The following RIPOR2 variants were observed in gnomAD, a reference collection of about 807,000 sequenced individuals.
RIPOR2 encodes the protein RHO family interacting cell polarization regulator 2, also known as rho family-interacting cell polarization regulator 2.
In RIPOR2, 39 loss-of-function variants were observed where a neutral mutation model predicts 114.5. The ratio of observed to expected loss-of-function variants is 0.34; its 90% CI spans 0.26 to 0.44. RIPOR2 has a LOEUF of 0.44. RIPOR2 is among the 20% of genes least tolerant of loss of function. The pLI is 1.00. For synonymous variants in RIPOR2, 445 were observed against 484.4 expected (o/e 0.92, Z 1.07); for missense variants, 1,007 against 1,255.1 (o/e 0.80, Z 2.99).
rs765393965 is a variant in RIPOR2, at chr6:24,872,878, T to C, written c.423+3A>G. 4 of 1,595,604 alleles carry C rather than the reference T, an allele frequency of 2.5e-6. No individual in the cohort carries two copies. Among genetic ancestry groups the C allele is most frequent in the Non-Finnish European group, 3.4e-6 (4 of 1,164,448 alleles). On this transcript the variant is annotated splice_donor_region_variant and intron_variant, in intron 4 of 21. Transcript: ENST00000643898. ...AACATCATAATGACTGCATAGTACC[T>C]ACCAGGCGAGAGTTTCTTTTCATAT... is the stretch of plus-strand genomic sequence containing the variant.
At chr6:24,957,656 G>A (rs1018619947) in intron 1 of RIPOR2, among the ~76,000 whole-genome samples, 1 of 152,250 alleles carries the variant, frequency 6.6e-6, no homozygotes, top group Admixed American at 6.5e-5. Flanking sequence ...GGTGGATCAC[G>A]AGGTCAGGAG....
chr6:24,852,507 A>G (rs1763062691), intron 9 of RIPOR2, 68 bp downstream of exon 9: 1 of 1,174,084 alleles, frequency 8.5e-7, no homozygotes, highest in South Asian at 1.3e-5. Context: ...AAGCAAAATA[A>G]TGACATGACA....
intron 1 of RIPOR2, among the ~76,000 whole-genome samples, chr6:24,919,720 A>T (rs1410004200): frequency 4.6e-5 from 7 of 152,216 alleles, no homozygotes; most frequent in African/African-American, 1.4e-4. Context: ...GAGCAAACGT[A>T]CACAGGCCTC....
intron 1 of RIPOR2, among the ~76,000 whole-genome samples, chr6:25,041,368 T>C (rs1170439031): frequency 6.6e-6 from 1 of 152,230 alleles, no homozygotes; most frequent in Non-Finnish European, 1.5e-5. Context: ...GTTGTGAGTT[T>C]GATAATTTAA....
At chr6:25,029,431 A>AAAAAAAAAAAAAAG (rs1554133317) in intron 1 of RIPOR2, among the ~76,000 whole-genome samples, 1 of 151,174 alleles carries the variant, frequency 6.6e-6, no homozygotes, top group African/African-American at 2.4e-5. Context: ...AAAAAAAAAA[A>AAAAAAAAAAAAAAG]AAGAAGAAGA....
In RIPOR2 at chr6:24,962,238, T is replaced by C. The variant is rs151279638; in HGVS notation, c.76+79613A>G. Among the ~76,000 whole-genome samples the C allele has an allele frequency of 2.0e-5, 3 of 152,376 alleles. No homozygotes were observed. The East Asian group carries it at 5.8e-4, about 29-fold the overall frequency. ...GAATATCTGGCAACTGAGATTCTTT[T>C]CGATTTACTGCTTTGCTGCTTGAAC... On this transcript the variant is annotated intron_variant, in intron 1 of 13. Transcript: ENST00000510784.
At chr6:24,826,647 C>T (rs1413096708) in intron 18 of RIPOR2, among the ~76,000 whole-genome samples, 1 of 152,006 alleles carries the variant, frequency 6.6e-6, no homozygotes, top group Non-Finnish European at 1.5e-5. Flanking sequence ...AGCCTAAATG[C>T]CCAACAATAT....
At chr6:24,997,890 G>A (rs951135237) in intron 1 of RIPOR2, among the ~76,000 whole-genome samples, 2 of 152,136 alleles carry the variant, frequency 1.3e-5, no homozygotes, top group African/African-American at 4.8e-5. Flanking sequence ...CCCCACTCCA[G>A]ACCTACTGAA....
intron 16 of RIPOR2, among the ~76,000 whole-genome samples, chr6:24,830,900 G>C (rs1331645888): frequency 1.3e-5 from 2 of 152,002 alleles, no homozygotes; most frequent in African/African-American, 4.8e-5. Flanking sequence ...ATTTTTAGTA[G>C]AGATGAGGTA....
At chr6:24,926,801 C>T (rs552817039) in intron 1 of RIPOR2, among the ~76,000 whole-genome samples, 7 of 152,130 alleles carry the variant, frequency 4.6e-5, no homozygotes, top group South Asian at 4.1e-4. Context: ...TCCCTTTAAA[C>T]GCAGCAGTTT....
At chr6:24,880,972 A>C (rs1051237091) in intron 1 of RIPOR2, among the ~76,000 whole-genome samples, 4 of 152,198 alleles carry the variant, frequency 2.6e-5, no homozygotes, top group African/African-American at 7.2e-5. Flanking sequence ...GGCCAGGTGC[A>C]GTGGCTCACG....
At chr6:24,859,130 A>C (rs1763809132) in intron 8 of RIPOR2, among the ~76,000 whole-genome samples, 1 of 152,188 alleles carries the variant, frequency 6.6e-6, no homozygotes, top group Admixed American at 6.5e-5. Context: ...CTCCTGGGAC[A>C]AGTCATTTAG....
intron 7 of RIPOR2, among the ~76,000 whole-genome samples, chr6:24,863,436 A>G (rs1297017774): frequency 6.6e-6 from 1 of 152,228 alleles, no homozygotes; most frequent in Non-Finnish European, 1.5e-5. Flanking sequence ...AAATATGCCA[A>G]CAAAGGCAGC....
chr6:24,895,570 T>C (rs1350743570), intron 1 of RIPOR2, among the ~76,000 whole-genome samples: 1 of 152,230 alleles, frequency 6.6e-6, no homozygotes, highest in Non-Finnish European at 1.5e-5. Flanking sequence ...TTTAGTCGCT[T>C]GGCTTCAACT....
chr6:24,942,341 C>T lies in RIPOR2; in HGVS notation c.77-66524G>A, dbSNP rs144595187. Among the ~76,000 whole-genome samples, 3 of 152,104 alleles carry T rather than the reference C, an allele frequency of 2.0e-5. No homozygotes were observed. The East Asian group carries it at 5.8e-4, about 29-fold the overall frequency. On this transcript the variant is annotated intron_variant, in intron 1 of 13. Coordinates refer to the RIPOR2 transcript ENST00000510784. ...AATTTATTACATGATATTTGACATACGATTGACAAAAAATTAAAAGAGATT... is the reference window on the plus strand; with the variant it reads ...AATTTATTACATGATATTTGACATATGATTGACAAAAAATTAAAAGAGATT...
chr6:24,937,596 G>A (rs1771887283), upstream of RIPOR2, among the ~76,000 whole-genome samples: 1 of 152,158 alleles, frequency 6.6e-6, no homozygotes, highest in African/African-American at 2.4e-5. Context: ...AAATTTGGAT[G>A]TGGACTAAAG....
At chr6:25,001,449 C>G (rs1775311786) in intron 1 of RIPOR2, among the ~76,000 whole-genome samples, 1 of 151,536 alleles carries the variant, frequency 6.6e-6, no homozygotes, top group Non-Finnish European at 1.5e-5. Flanking sequence ...ATGGTGTAAC[C>G]CCGTCTCTAC....
chr6:25,012,459 A>G (rs1775811921), intron 1 of RIPOR2, among the ~76,000 whole-genome samples: 1 of 152,246 alleles, frequency 6.6e-6, no homozygotes, highest in South Asian at 2.1e-4. Context: ...TAATAGCCAA[A>G]AAGAAACAAC....
chr6:25,024,201 G>A, intron 1 of RIPOR2: 1 of 1,461,828 alleles, frequency 6.8e-7, no homozygotes. Context: ...GCAGGGCCTG[G>A]CGAGAAAGGT....
Sources: gnomAD v4.1 joint callset for allele counts (sites outside exome capture counted in the v4.1 genomes callset) on GRCh38, gnomAD v4.1.1 for gene constraint, MANE v1.5 for transcripts, NCBI Gene and HGNC (gene_info 2026-07-23, HGNC 2026-07-21) for gene names.